NARS2: variants seen among roughly 807,000 people sequenced by gnomAD.
NARS2 encodes asparaginyl-tRNA synthetase 2, mitochondrial.
In NARS2, 60 loss-of-function variants were observed where a neutral mutation model predicts 62.9. The ratio of observed to expected loss-of-function variants is 0.95; its 90% CI spans 0.77 to 1.18. The LOEUF is 1.18. Ranked by LOEUF, NARS2 falls within the 50% of genes most tolerant of loss-of-function variation. The pLI is 0.00. For missense variants in NARS2, 619 were observed against 576.4 expected, an observed-to-expected ratio of 1.07 and a Z score of -0.76; for synonymous variants, 196 against 200.0, an observed-to-expected ratio of 0.98 and a Z score of 0.17.
Position 78,574,672 on chromosome 11 carries a change from C to T in NARS2, c.-184G>A. ...TCCCAGCTCTGTCCCCACAGAACCT[C>T]TCCGCTTCCCACTTCCCAACGGGGC... On this transcript the variant is annotated 5_prime_UTR_variant, in exon 1 of 14. Coordinates refer to ENST00000281038, the MANE Select transcript of NARS2 (RefSeq NM_024678.6). 1.6e-6 allele frequency: 1 copy of T among 625,802 alleles called. No individual in the cohort carries two copies. The highest frequency in any genetic ancestry group is 3.2e-5 in the Admixed American group (1 of 31,372). 38.8% of individuals were successfully genotyped at this position (625,802 alleles called of 1,614,324 possible).
At chr11:78,505,899 A>C (rs1860478663) in intron 6 of NARS2, among the ~76,000 whole-genome samples, 1 of 152,200 alleles carries the variant, frequency 6.6e-6, no homozygotes, top group South Asian at 2.1e-4. Flanking sequence ...CTTCAAAAAA[A>C]CTATTTTAAA....
intron 6 of NARS2, among the ~76,000 whole-genome samples, chr11:78,519,564 A>G (rs1290127268): frequency 1.3e-5 from 2 of 152,180 alleles, no homozygotes; most frequent in Non-Finnish European, 2.9e-5. Context: ...TTTCATAACC[A>G]CTTCTTAAAA....
intron 6 of NARS2, among the ~76,000 whole-genome samples, chr11:78,499,159 G>A (rs970644313): frequency 7.2e-5 from 11 of 151,814 alleles, no homozygotes; most frequent in Admixed American, 6.6e-4. Flanking sequence ...CTCGTGATCC[G>A]CCTGCCTCGG....
At chr11:78,468,310 G>GGGAAAAAAA (rs1555015326) in intron 10 of NARS2, among the ~76,000 whole-genome samples, 1 of 67,432 alleles carries the variant, frequency 1.5e-5, no homozygotes, top group East Asian at 3.7e-4. Flanking sequence ...CACTAAATCT[G>GGGAAAAAAA]AAAAAAAAAA....
At chr11:78,471,789 G>T (rs1260490200) in intron 9 of NARS2, among the ~76,000 whole-genome samples, 1 of 149,474 alleles carries the variant, frequency 6.7e-6, no homozygotes, top group Non-Finnish European at 1.5e-5. Context: ...GCGGTGTTTG[G>T]TTTTTTGTTC....
intron 5 of NARS2, among the ~76,000 whole-genome samples, chr11:78,542,279 A>C (rs1855649706): frequency 6.6e-6 from 1 of 152,214 alleles, no homozygotes; most frequent in South Asian, 2.1e-4. Flanking sequence ...AGACGCGTGG[A>C]GTCTAATATT....
intron 11 of NARS2, among the ~76,000 whole-genome samples, chr11:78,459,984 T>C (rs1205725131): frequency 6.6e-6 from 1 of 152,174 alleles, no homozygotes; most frequent in Non-Finnish European, 1.5e-5. Flanking sequence ...TGATTGAGTA[T>C]AAACATCAGT....
At chr11:78,527,616 C>A (rs558280495) in intron 6 of NARS2, among the ~76,000 whole-genome samples, 3 of 152,304 alleles carry the variant, frequency 2.0e-5, no homozygotes, top group African/African-American at 7.2e-5. Context: ...AGTAAATATG[C>A]AAACTATTCT....
intron 5 of NARS2, among the ~76,000 whole-genome samples, chr11:78,544,749 G>A (rs992964929): frequency 2.1e-5 from 3 of 145,512 alleles, no homozygotes; most frequent in Non-Finnish European, 4.5e-5. Flanking sequence ...AGCCAAGATC[G>A]TGCCACTGCA....
chr11:78,555,622 A>C (rs1856323279), intron 5 of NARS2, among the ~76,000 whole-genome samples: 1 of 152,072 alleles, frequency 6.6e-6, no homozygotes, highest in Non-Finnish European at 1.5e-5. Flanking sequence ...AATTTTTTCA[A>C]AAAACTAACT....
At chr11:78,488,267 A>C (rs1340913731) in intron 7 of NARS2, among the ~76,000 whole-genome samples, 1 of 151,176 alleles carries the variant, frequency 6.6e-6, no homozygotes, top group Non-Finnish European at 1.5e-5. Flanking sequence ...TGTATGTGTG[A>C]TTAAGAATCT....
intron 7 of NARS2, among the ~76,000 whole-genome samples, chr11:78,488,621 C>T (rs1023418272): frequency 6.6e-5 from 10 of 151,898 alleles, no homozygotes; most frequent in Admixed American, 3.9e-4. Flanking sequence ...TTTGTGGTGA[C>T]GTGTTATAGC....
intron 6 of NARS2, among the ~76,000 whole-genome samples, chr11:78,518,355 T>C (rs1441719778): frequency 6.6e-6 from 1 of 152,094 alleles, no homozygotes; most frequent in Admixed American, 6.5e-5. Flanking sequence ...AGAGGAAAAT[T>C]ATAAAAGAAT....
In NARS2 at chr11:78,485,186, G is replaced by C. The variant is rs1406417269; in HGVS notation, c.823-6503C>G. Reference sequence around the variant, plus strand: ...CACTCACAAGTGGGAGTTGAACAATGAGAACACATGGACACAGGGAGGGGA... The same window carrying C: ...CACTCACAAGTGGGAGTTGAACAATCAGAACACATGGACACAGGGAGGGGA... On this transcript the variant is annotated intron_variant, in intron 7 of 13. Coordinates refer to ENST00000281038, the MANE Select transcript of NARS2 (RefSeq NM_024678.6). Among the ~76,000 whole-genome samples, 4 of 152,064 alleles carry C rather than the reference G, an allele frequency of 2.6e-5. No individual in the cohort carries two copies. In the East Asian group the frequency reaches 7.7e-4, roughly 29 times the overall value.
At chr11:78,467,565 A>AT (rs1565217227) in intron 10 of NARS2, among the ~76,000 whole-genome samples, 33 of 127,956 alleles carry the variant, frequency 2.6e-4, no homozygotes, top group African/African-American at 4.3e-4. Flanking sequence ...AAATAAATAA[A>AT]TAAATTAATT....
chr11:78,543,945 C>T (rs1006459707), intron 5 of NARS2, among the ~76,000 whole-genome samples: 9 of 138,320 alleles, frequency 6.5e-5, no homozygotes, highest in Admixed American at 8.0e-5. Flanking sequence ...GCAGGAGAAT[C>T]GCTTGAACCC....
chr11:78,512,369 T>G (rs1186259507), intron 6 of NARS2, among the ~76,000 whole-genome samples: 1 of 152,202 alleles, frequency 6.6e-6, no homozygotes, highest in East Asian at 1.9e-4. Context: ...TACCTTGGCT[T>G]TTCTCTGCAA....
At chr11:78,476,825 T>C (rs896645493) in intron 9 of NARS2, among the ~76,000 whole-genome samples, 14 of 152,230 alleles carry the variant, frequency 9.2e-5, no homozygotes, top group African/African-American at 2.6e-4. Context: ...GTCGTAATGA[T>C]AGTGGGGCAG....
intron 6 of NARS2, among the ~76,000 whole-genome samples, chr11:78,505,072 A>C (rs1860435296): frequency 6.6e-6 from 1 of 151,988 alleles, no homozygotes; most frequent in Non-Finnish European, 1.5e-5. Context: ...AAAAAAAAAA[A>C]ACCACTAAAT....
Sources: allele counts gnomAD v4.1 joint callset (sites outside exome capture counted in the v4.1 genomes callset), GRCh38; gene constraint gnomAD v4.1.1; transcripts MANE v1.5; gene names NCBI Gene and HGNC (gene_info 2026-07-23, HGNC 2026-07-21).